SEMA3A: variants seen among roughly 807,000 people sequenced by gnomAD.
The protein encoded by SEMA3A is semaphorin 3A, also known as semaphorin-3A.
Under a neutral mutation model 97.9 loss-of-function variants are expected in SEMA3A, and 29 were observed. That is an observed-to-expected ratio of 0.30 (90% confidence interval 0.22 to 0.40). The LOEUF (loss-of-function observed/expected upper bound fraction) is 0.40. SEMA3A is among the 10% of genes least tolerant of loss of function. The probability of loss-of-function intolerance (pLI) is 1.00; values close to 1 mark genes in which losing one functional copy is unlikely to be tolerated. For synonymous variants in SEMA3A, 321 were observed against 323.7 expected (o/e 0.99, Z 0.09); for missense variants, 763 against 951.3 (o/e 0.80, Z 2.60).
chr7:84,143,950 A>AACACACACACAC (rs796470836), intron 1 of SEMA3A, among the ~76,000 whole-genome samples: 51 of 94,688 alleles, frequency 5.4e-4, no homozygotes, highest in African/African-American at 1.6e-3. Flanking sequence ...CTCTCTCTCT[A>AACACACACACAC]ACACACACAC....
intron 3 of SEMA3A, among the ~76,000 whole-genome samples, chr7:84,282,915 G>A (rs1800481032): frequency 6.6e-6 from 1 of 152,064 alleles, no homozygotes; most frequent in Non-Finnish European, 1.5e-5. Context: ...TTGGGAGGCT[G>A]AGGCAGGAGA....
chr7:84,444,562 T>A (rs1379654238), intron 1 of SEMA3A, among the ~76,000 whole-genome samples: 1 of 150,684 alleles, frequency 6.6e-6, no homozygotes, highest in African/African-American at 2.4e-5. Flanking sequence ...TTTTCTTTTT[T>A]TCTTTTTTTT....
chr7:84,444,143 C>T (rs1417251296), intron 1 of SEMA3A, among the ~76,000 whole-genome samples: 1 of 152,058 alleles, frequency 6.6e-6, no homozygotes, highest in Non-Finnish European at 1.5e-5. Context: ...AGCTTGGCCT[C>T]CAAAATTGCT....
chr7:84,458,053 G>A (rs1199597115), intron 1 of SEMA3A, among the ~76,000 whole-genome samples: 1 of 151,970 alleles, frequency 6.6e-6, no homozygotes, highest in Non-Finnish European at 1.5e-5. Context: ...AAGACTTTAT[G>A]TTTACAACCT....
intron 2 of SEMA3A, among the ~76,000 whole-genome samples, chr7:84,319,202 T>G (rs1801587717): frequency 6.6e-6 from 1 of 152,150 alleles, no homozygotes; most frequent in South Asian, 2.1e-4. Flanking sequence ...TCGACCTGAT[T>G]GAAAAGATTC....
At position 84,335,590 on chromosome 7, in the gene SEMA3A, G is replaced by A. The variant is rs377589683; in HGVS notation, c.-168-28298C>T. The stretch of plus-strand genomic sequence containing the variant: ...ACATTTTCTTTGGGAATTTGATCAT[G>A]TTATTTTTAAATGATAGACATTTAT... On this transcript the variant is annotated intron_variant, in intron 2 of 3. Coordinates refer to the SEMA3A transcript ENST00000424555. 1.5e-3 allele frequency among the ~76,000 whole-genome samples: 227 copies of A among 152,192 alleles called. 11 individuals are homozygous for A. The South Asian group carries it at 0.047, about 31-fold the overall frequency.
Position 84,070,442 on chromosome 7 carries a change from T to C in SEMA3A, c.454-9884A>G, listed in dbSNP as rs189152071. 2.7e-3 allele frequency among the ~76,000 whole-genome samples: 411 copies of C among 152,214 alleles called. 2 individuals are homozygous for C. Among genetic ancestry groups the C allele is most frequent in the African/African-American group, 9.3e-3 (388 of 41,518 alleles). ...ATAAATTTCCTAAATCTCAATGTTG[T>C]CCAAGTCATAAATTTAGGTAACAAA... On this transcript the variant is annotated intron_variant, in intron 4 of 16. Transcript: ENST00000265362.
intron 15 of SEMA3A, among the ~76,000 whole-genome samples, chr7:83,966,466 A>G (rs1413833929): frequency 1.3e-5 from 2 of 152,090 alleles, no homozygotes; most frequent in African/African-American, 4.8e-5. Context: ...TGCTTTGATA[A>G]CTACTCTTGC....
At chr7:84,141,933 C>T (rs746239858) in intron 1 of SEMA3A, among the ~76,000 whole-genome samples, 5 of 152,138 alleles carry the variant, frequency 3.3e-5, no homozygotes, top group Non-Finnish European at 7.4e-5. Flanking sequence ...GATGCATGTA[C>T]TTGAGCTTTG....
chr7:84,283,221 A>C (rs922830572), intron 3 of SEMA3A, among the ~76,000 whole-genome samples: 2 of 152,122 alleles, frequency 1.3e-5, no homozygotes, highest in Non-Finnish European at 2.9e-5. Context: ...ACCCAACATC[A>C]TACCATTCTA....
At chr7:84,455,450 AAT>A (rs1244506149) in intron 1 of SEMA3A, among the ~76,000 whole-genome samples, 3 of 151,994 alleles carry the variant, frequency 2.0e-5, no homozygotes, top group African/African-American at 7.2e-5. Context: ...CTAAATGTTC[AAT>A]ATATGTTTGA....
intron 3 of SEMA3A, among the ~76,000 whole-genome samples, chr7:84,273,387 G>A (rs962139890): frequency 2.6e-5 from 4 of 152,054 alleles, no homozygotes; most frequent in African/African-American, 9.7e-5. Context: ...TTTAGTTTAA[G>A]AAGCATAATT....
intron 1 of SEMA3A, among the ~76,000 whole-genome samples, chr7:84,193,818 G>A (rs1298394275): frequency 6.6e-6 from 1 of 152,054 alleles, no homozygotes; most frequent in Non-Finnish European, 1.5e-5. Flanking sequence ...ACAGTAATGT[G>A]TCTGCAGTTC....
intron 3 of SEMA3A, among the ~76,000 whole-genome samples, chr7:84,220,485 A>G (rs1358415353): frequency 1.3e-5 from 2 of 152,136 alleles, no homozygotes; most frequent in African/African-American, 4.8e-5. Context: ...ATTTACTTTG[A>G]CCAGATCCAT....
intron 2 of SEMA3A, among the ~76,000 whole-genome samples, chr7:84,353,250 AG>A (rs1802477320): frequency 6.6e-6 from 1 of 151,754 alleles, no homozygotes; most frequent in Non-Finnish European, 1.5e-5. Context: ...TTTTTGATTC[AG>A]GATTGGTTGA....
At chr7:83,981,786 T>A (rs1172592181) in intron 13 of SEMA3A, among the ~76,000 whole-genome samples, 5 of 152,106 alleles carry the variant, frequency 3.3e-5, no homozygotes, top group Admixed American at 6.5e-5. Flanking sequence ...TCTTTGCAAG[T>A]TTGCTTTTTT....
At chr7:84,433,770 C>G (rs1375511600) in intron 1 of SEMA3A, among the ~76,000 whole-genome samples, 1 of 152,162 alleles carries the variant, frequency 6.6e-6, no homozygotes, top group Non-Finnish European at 1.5e-5. Context: ...GATCACCATT[C>G]TAACTGGCAT....
chr7:84,409,277 T>C (rs1261885122), intron 1 of SEMA3A, among the ~76,000 whole-genome samples: 4 of 151,782 alleles, frequency 2.6e-5, no homozygotes, highest in East Asian at 1.9e-4. Context: ...CCTTGGATGC[T>C]TGTATCAAAA....
chr7:83,982,476 T>C (rs1231876304), intron 13 of SEMA3A, among the ~76,000 whole-genome samples: 3 of 152,132 alleles, frequency 2.0e-5, no homozygotes, highest in Admixed American at 6.5e-5. Context: ...CAAAATGAAA[T>C]AAAATTATTT....
Sources: allele counts gnomAD v4.1 joint callset (sites outside exome capture counted in the v4.1 genomes callset), GRCh38; gene constraint gnomAD v4.1.1; transcripts MANE v1.5; gene names NCBI Gene and HGNC (gene_info 2026-07-23, HGNC 2026-07-21).